The following RFFL variants were observed in gnomAD, a reference collection of about 807,000 sequenced individuals.
RFFL encodes the protein ring finger and FYVE like domain containing E3 ubiquitin protein ligase.
A neutral mutation model predicts 40.4 loss-of-function variants in RFFL; 16 were observed. The ratio of observed to expected loss-of-function variants is 0.40; its 90% CI spans 0.27 to 0.60. RFFL has a LOEUF of 0.60. RFFL is among the 20% of genes least tolerant of loss of function. The probability of loss-of-function intolerance (pLI) is 0.47; values close to 1 mark genes in which losing one functional copy is unlikely to be tolerated. For missense variants in RFFL, 367 were observed against 451.7 expected (o/e 0.81, Z 1.70); for synonymous variants, 154 against 167.9 (o/e 0.92, Z 0.64).
chr17:35,041,175 CAG>C (rs2091163040), intron 1 of RFFL, among the ~76,000 whole-genome samples: 3 of 152,036 alleles, frequency 2.0e-5, no homozygotes, highest in Admixed American at 2.0e-4. Context: ...ACCGAATTTC[CAG>C]AGTCTAGAAT....
At chr17:35,013,096 TATAAA>T (rs2090951067) in intron 6 of RFFL, among the ~76,000 whole-genome samples, 1 of 152,162 alleles carries the variant, frequency 6.6e-6, no homozygotes, top group Admixed American at 6.5e-5. Flanking sequence ...TCACAAAAAC[TATAAA>T]GTAGGACCTC....
chr17:35,017,686 A>G, intron 3 of RFFL, 80 bp from the exon 4 acceptor site: 1 of 904,034 alleles, frequency 1.1e-6, no homozygotes, highest in South Asian at 1.4e-5. Flanking sequence ...CAACTCACAC[A>G]ATGTCCAGAA....
In RFFL at chr17:35,017,523, C is replaced by G. The variant is rs1187755519; in HGVS notation, c.675G>C (p.Gln225His). The change falls in exon 4 of 7, where the codon CAG becomes CAC. Residue 225 changes from glutamine to histidine, a missense_variant and splice_region_variant. Transcript: ENST00000394597. Reference protein sequence around the residue: ...VARVPAEDETQSIDSEDSFVP... With the variant: ...VARVPAEDETHSIDSEDSFVP... ...ACACAGACCCAAGCAGAGGCCCCAC[C>G]TGGGTCTCATCCTCAGCAGGTACTC... 6.2e-7 allele frequency: 1 copy of G among 1,604,298 alleles called. No individual in the cohort carries two copies. Among genetic ancestry groups the G allele is most frequent in the African/African-American group, 1.3e-5 (1 of 74,766 alleles).
chr17:35,069,008 T>C (rs950290462), intron 1 of RFFL, among the ~76,000 whole-genome samples: 5 of 152,174 alleles, frequency 3.3e-5, no homozygotes, highest in African/African-American at 1.2e-4. Flanking sequence ...TCAAACTCCA[T>C]CACCTAAATT....
At chr17:35,064,605 A>G (rs961473257), upstream of RFFL, among the ~76,000 whole-genome samples, 20 of 151,898 alleles carry the variant, frequency 1.3e-4, no homozygotes, top group African/African-American at 4.6e-4. Flanking sequence ...ATTTGACAAG[A>G]GAGAAACTAA....
rs564972090 is a variant in RFFL at position 35,010,048 on chromosome 17, C to T, written c.*1920G>A. The T allele has an allele frequency of 3.9e-5, 6 of 152,716 alleles. No individual in the cohort carries two copies. The South Asian group carries it at 1.2e-3, about 32-fold the overall frequency. 9.5% of individuals were successfully genotyped at this position (152,716 alleles called of 1,614,324 possible). On this transcript the variant is annotated 3_prime_UTR_variant, in exon 7 of 7. Transcript: ENST00000394597. ...TCAAATCATCCAGGACTTTGTATAA[C>T]ATTGAGGTAAGTGGCCCAGTGTTCA...
chr17:35,019,724 T>C lies in RFFL; in HGVS notation c.591+1647A>G, dbSNP rs906125268. Among the ~76,000 whole-genome samples the C allele has an allele frequency of 2.0e-5, 3 of 151,352 alleles. No homozygotes were observed. The East Asian group carries it at 5.8e-4, about 30-fold the overall frequency. The stretch of plus-strand genomic sequence containing the variant: ...CTCAAGTTCTTCTCCTGGCTCCTTA[T>C]ACATAGAGTGGAAAAAAAAAAAACA... On this transcript the variant is annotated intron_variant, in intron 3 of 6. Transcript: ENST00000394597.
chr17:35,031,861 C>G (rs1319182233), intron 1 of RFFL, among the ~76,000 whole-genome samples: 1 of 151,838 alleles, frequency 6.6e-6, no homozygotes, highest in African/African-American at 2.4e-5. Context: ...TTTGGCAGGC[C>G]GAGGCAGGAG....
Position 35,045,198 on chromosome 17 carries a change from G to T in RFFL, c.-9+18378C>A, listed in dbSNP as rs570427636. 3.8e-3 allele frequency among the ~76,000 whole-genome samples: 573 copies of T among 151,948 alleles called. 1 individual carries two copies. Among genetic ancestry groups the T allele is most frequent in the African/African-American group, 0.013 (522 of 41,440 alleles). On this transcript the variant is annotated intron_variant, in intron 1 of 6. Coordinates refer to ENST00000394597, the MANE Select transcript of RFFL (RefSeq NM_001017368.2). ...GGGGAAAGAGCATTCTAGCAGTACT[G>T]TATCTAATCAACTGGCTAACAGTTT...
chr17:35,077,506 G>T (rs1203068900), intron 1 of RFFL, among the ~76,000 whole-genome samples: 1 of 152,148 alleles, frequency 6.6e-6, no homozygotes, highest in African/African-American at 2.4e-5. Flanking sequence ...TTATTGGCTG[G>T]CAACAGATTA....
At chr17:35,047,302 T>C (rs938582358) in intron 1 of RFFL, among the ~76,000 whole-genome samples, 1 of 152,250 alleles carries the variant, frequency 6.6e-6, no homozygotes, top group African/African-American at 2.4e-5. Context: ...TTATGCAATT[T>C]ACCTTTCCAA....
intron 3 of RFFL, among the ~76,000 whole-genome samples, chr17:35,019,769 A>G (rs559095506): frequency 6.6e-6 from 1 of 152,328 alleles, no homozygotes; most frequent in South Asian, 2.1e-4. Flanking sequence ...GGAAGAATAT[A>G]TAGCAGGAGT....
chr17:35,084,013 T>C (rs11867356), intron 1 of RFFL, among the ~76,000 whole-genome samples: 13,980 of 151,910 alleles, frequency 0.092, 1,969 homozygotes, highest in African/African-American at 0.3. Context: ...TCGAGGCAGG[T>C]GGATCACCTG....
intron 2 of RFFL, among the ~76,000 whole-genome samples, chr17:35,023,721 A>T (rs901969916): frequency 1.3e-5 from 2 of 152,218 alleles, no homozygotes; most frequent in African/African-American, 4.8e-5. Flanking sequence ...CACAATTATA[A>T]AGCCTGCGTT....
intron 1 of RFFL, among the ~76,000 whole-genome samples, chr17:35,026,981 G>C (rs113755598): frequency 6.6e-6 from 1 of 152,182 alleles, no homozygotes; most frequent in African/African-American, 2.4e-5. Flanking sequence ...GGATTAAGGC[G>C]TGAGCCATGG....
Position 35,055,011 on chromosome 17 carries a change from G to A in RFFL, c.-9+8565C>T, listed in dbSNP as rs187640988. On this transcript the variant is annotated intron_variant, in intron 1 of 6. Transcript: ENST00000394597. ...TGGCTCACTGCAAGCTCCACCTCCCGGGTTCACGCCATTCTCCTGCCTCAG... is the reference window on the plus strand; with the variant it reads ...TGGCTCACTGCAAGCTCCACCTCCCAGGTTCACGCCATTCTCCTGCCTCAG... 1.2e-3 allele frequency among the ~76,000 whole-genome samples: 181 copies of A among 151,204 alleles called. 2 individuals carry two copies. Among genetic ancestry groups the A allele is most frequent in the South Asian group, 9.8e-3 (47 of 4,778 alleles).
At chr17:35,084,491 G>A (rs552247228) in intron 1 of RFFL, among the ~76,000 whole-genome samples, 13 of 152,238 alleles carry the variant, frequency 8.5e-5, no homozygotes, top group African/African-American at 2.9e-4. Context: ...CTACTTGGGT[G>A]GCTGAGGCAG....
At chr17:35,047,979 T>C (rs1205608261) in intron 1 of RFFL, among the ~76,000 whole-genome samples, 8 of 151,776 alleles carry the variant, frequency 5.3e-5, no homozygotes, top group Non-Finnish European at 2.9e-5. Flanking sequence ...CTCGAACTCC[T>C]GACCTCAAGC....
At chr17:35,038,309 A>T (rs1311581491) in intron 1 of RFFL, among the ~76,000 whole-genome samples, 1 of 150,900 alleles carries the variant, frequency 6.6e-6, no homozygotes, top group East Asian at 1.9e-4. Context: ...AAAAAAAAGG[A>T]AAAAAGAGCA....
Sources: gnomAD v4.1 joint callset for allele counts (sites outside exome capture counted in the v4.1 genomes callset) on GRCh38, gnomAD v4.1.1 for gene constraint, MANE v1.5 for transcripts, NCBI Gene and HGNC (gene_info 2026-07-23, HGNC 2026-07-21) for gene names.